Variants in PCDH10 observed in about 807,000 individuals in gnomAD.
The protein encoded by PCDH10 is protocadherin-10.
A neutral mutation model predicts 74.4 loss-of-function variants in PCDH10; 15 were observed. The observed-to-expected ratio is 0.20, with a 90% CI of 0.13 to 0.31. The LOEUF (loss-of-function observed/expected upper bound fraction) is 0.31. Among genes scored for constraint, PCDH10 ranks in the 10% least tolerant of loss-of-function variants. The pLI is 1.00. For missense variants in PCDH10, 1,260 were observed against 1,390.2 expected, an observed-to-expected ratio of 0.91 and a Z score of 1.49; for synonymous variants, 619 against 589.8, an observed-to-expected ratio of 1.05 and a Z score of -0.72.
In PCDH10 at chr4:133,152,484, C is replaced by A. The variant is rs1486521943; in HGVS notation, c.2344C>A (p.Leu782Ile). The A allele has an allele frequency of 6.2e-7, 1 of 1,614,054 alleles. No homozygotes were observed. Among genetic ancestry groups the A allele is most frequent in the African/African-American group, 1.3e-5 (1 of 74,946 alleles). Residue 782 changes from leucine (L) to isoleucine (I), a missense_variant, in exon 1 of 5, where the codon CTC (leucine) becomes ATC (isoleucine). Around this residue, in one of 11 missense-constraint regions of PCDH10, gnomAD observed 587 missense variants for 616.9 expected, o/e 0.95. Transcript: ENST00000264360. ...GRQARARKKK[L>I]SKSDIMLVQS... ...CCAAGCCCGGGCGCGCAAGAAGAAA[C>A]TCAGCAAGTCAGACATCATGCTGGT...
At position 133,192,432 on chromosome 4, in the gene PCDH10, A is replaced by G. The variant is rs1727698459; in HGVS notation, c.*2272A>G. 1 of 151,612 alleles carries G rather than the reference A, an allele frequency of 6.6e-6. No individual in the cohort carries two copies. The highest frequency in any genetic ancestry group is 1.9e-4 in the East Asian group (1 of 5,186). 9.4% of individuals were successfully genotyped at this position (151,612 alleles called of 1,614,324 possible). A position where few individuals can be genotyped will look rare whatever the true frequency, so the allele number is the denominator to read the frequency against. ...TATCCACATCCATCTTCCTTACTGC[A>G]TGCATTGAAAATAAGATTATACTCA... On this transcript the variant is annotated 3_prime_UTR_variant, in exon 5 of 5. Coordinates refer to ENST00000264360, the MANE Select transcript of PCDH10 (RefSeq NM_032961.3).
At position 133,155,027 on chromosome 4, in the gene PCDH10, AGT is replaced by A; in HGVS notation, c.2797+8_2797+9del. 6.3e-7 allele frequency: 1 copy of A among 1,580,846 alleles called. No individual in the cohort carries two copies. Among genetic ancestry groups the A allele is most frequent in the African/African-American group, 1.3e-5 (1 of 74,362 alleles). ...ACCAACCGTGCCCAGTCAGCTGGTA[AGT>A]GTGATCAAAGGGCAATCTAAATGCT... On this transcript the variant is annotated splice_donor_5th_base_variant and intron_variant, in intron 3 of 4. Transcript: ENST00000264360.
chr4:133,157,488 T>G (rs1000078922), intron 3 of PCDH10, among the ~76,000 whole-genome samples: 2 of 152,190 alleles, frequency 1.3e-5, no homozygotes, highest in Admixed American at 6.5e-5. Flanking sequence ...TAGGTAATAT[T>G]ACTCATAGCA....
At chr4:133,160,485 C>A (rs1220825381) in intron 3 of PCDH10, among the ~76,000 whole-genome samples, 1 of 149,762 alleles carries the variant, frequency 6.7e-6, no homozygotes, top group African/African-American at 2.5e-5. Flanking sequence ...ACTACATAAT[C>A]TAAGGAAATT....
chr4:133,158,203 A>G (rs1370254720), intron 3 of PCDH10, among the ~76,000 whole-genome samples: 6 of 152,138 alleles, frequency 3.9e-5, no homozygotes, highest in Non-Finnish European at 2.9e-5. Context: ...TTAAAGCATA[A>G]TTATTTCTTC....
At chr4:133,160,150 T>C (rs915726079) in intron 3 of PCDH10, among the ~76,000 whole-genome samples, 1 of 152,016 alleles carries the variant, frequency 6.6e-6, no homozygotes, top group Non-Finnish European at 1.5e-5. Context: ...ATTTACGTTG[T>C]TTTAAATGTT....
chr4:133,175,040 A>G (rs1413043480), intron 4 of PCDH10, among the ~76,000 whole-genome samples: 1 of 151,802 alleles, frequency 6.6e-6, no homozygotes, highest in Non-Finnish European at 1.5e-5. Context: ...AATTGTTTTC[A>G]TAATGCTTAT....
At position 133,193,509 on chromosome 4, in the gene PCDH10, C is replaced by T. The variant is rs1727723561; in HGVS notation, c.*3349C>T. ...GGAGGAAAAAGAATCTCACAATTCC[C>T]AATATAATCTTTAACAACTGTACGT... On this transcript the variant is annotated 3_prime_UTR_variant, in exon 5 of 5. Transcript: ENST00000264360. 1 of 151,566 alleles carries T rather than the reference C, an allele frequency of 6.6e-6. No individual in the cohort carries two copies. The highest frequency in any genetic ancestry group is 2.4e-5 in the African/African-American group (1 of 41,394). 9.4% of individuals were successfully genotyped at this position (151,566 alleles called of 1,614,324 possible). A position where few individuals can be genotyped will look rare whatever the true frequency, so the allele number is the denominator to read the frequency against.
chr4:133,192,153 G>A lies in PCDH10; in HGVS notation c.*1993G>A, dbSNP rs995747652. 1.3e-5 allele frequency: 2 copies of A among 151,476 alleles called. No homozygotes were observed. The highest frequency in any genetic ancestry group is 4.8e-5 in the African/African-American group (2 of 41,336). 9.4% of individuals were successfully genotyped at this position (151,476 alleles called of 1,614,324 possible). On this transcript the variant is annotated 3_prime_UTR_variant, in exon 5 of 5. Transcript: ENST00000264360. ...TGAAGTCTCTTTAAACATATATGAA[G>A]CTAACAGATCATATGTAATACAAAA...
intron 4 of PCDH10, among the ~76,000 whole-genome samples, chr4:133,185,339 A>G (rs1029427598): frequency 4.0e-5 from 6 of 151,858 alleles, no homozygotes; most frequent in Non-Finnish European, 5.9e-5. Context: ...TCAAGCAGTT[A>G]CCCTCTTTTA....
intron 2 of PCDH10, among the ~76,000 whole-genome samples, chr4:133,200,284 A>G (rs1727878832): frequency 6.6e-6 from 1 of 152,092 alleles, no homozygotes; most frequent in South Asian, 2.1e-4. Flanking sequence ...TTTTGTATAT[A>G]TAACTTTGGC....
chr4:133,153,221 A>T (rs1046191665), intron 1 of PCDH10: 7 of 1,050,658 alleles, frequency 6.7e-6, no homozygotes, highest in African/African-American at 1.7e-5. Context: ...AGTCGCGTGT[A>T]CAAGTAAGCT....
At chr4:133,205,365 G>A (rs983030486) in intron 2 of PCDH10, among the ~76,000 whole-genome samples, 7 of 152,046 alleles carry the variant, frequency 4.6e-5, no homozygotes, top group African/African-American at 1.4e-4. Context: ...TTTCCATATC[G>A]TCTTCTAAGG....
At chr4:133,155,163 C>T in intron 3 of PCDH10, 140 bp downstream of exon 3, 1 of 658,990 alleles carries the variant, frequency 1.5e-6, no homozygotes, top group Non-Finnish European at 2.7e-6. Context: ...TGTCACTCTA[C>T]TTTGATATTT....
rs1334414309 is a variant in PCDH10 at position 133,188,448 on chromosome 4, A to G, written c.3104-1693A>G. ...AAAAATAGGATTTCATTCTATTAAA[A>G]TAATAATTCCGTTTACTTGTAGAAT... On this transcript the variant is annotated intron_variant, in intron 4 of 4. Transcript: ENST00000264360. Among the ~76,000 whole-genome samples, 6 of 152,244 alleles carry G rather than the reference A, an allele frequency of 3.9e-5. No individual in the cohort carries two copies. The East Asian group carries it at 1.2e-3, about 29-fold the overall frequency.
intron 4 of PCDH10, among the ~76,000 whole-genome samples, chr4:133,188,304 C>T (rs1324306301): frequency 6.6e-6 from 1 of 152,030 alleles, no homozygotes; most frequent in African/African-American, 2.4e-5. Context: ...ACTTGGACTT[C>T]TAAGGTTTCA....
intron 4 of PCDH10, 76 bp downstream of exon 4, chr4:133,163,358 A>G (rs1175542504): frequency 3.0e-6 from 4 of 1,326,588 alleles, no homozygotes; most frequent in Admixed American, 4.6e-5. Flanking sequence ...TCTTTTTGGT[A>G]AAAATGGAGT....
chr4:133,153,357 T>A, intron 1 of PCDH10: 1 of 652,490 alleles, frequency 1.5e-6, no homozygotes, highest in Non-Finnish European at 1.9e-6. Flanking sequence ...GGACAGCATT[T>A]ACAGACGCTC....
At chr4:133,161,315 A>G (rs1044991918) in intron 3 of PCDH10, among the ~76,000 whole-genome samples, 5 of 152,152 alleles carry the variant, frequency 3.3e-5, no homozygotes, top group Non-Finnish European at 1.5e-5. Context: ...TTAATATATG[A>G]TAAGAAGCTT....
Sources: gnomAD v4.1 joint callset for allele counts (sites outside exome capture counted in the v4.1 genomes callset) on GRCh38, gnomAD v4.1.1 for gene constraint, gnomAD v4.1.1 regional missense constraint, MANE v1.5 for transcripts, NCBI Gene and HGNC (gene_info 2026-07-23, HGNC 2026-07-21) for gene names.